The following VAV3 variants were observed in gnomAD, a reference collection of about 807,000 sequenced individuals.
The protein encoded by VAV3 is guanine nucleotide exchange factor VAV3.
VAV3 carries 94 observed loss-of-function variants against 131.2 expected under a neutral mutation model. That is an observed-to-expected ratio of 0.72 (90% CI 0.61 to 0.85). VAV3 has a LOEUF of 0.85. Ranked by LOEUF, VAV3 falls within the 40% of genes least tolerant of loss-of-function variation. The probability of loss-of-function intolerance (pLI) is 0.00; values close to 1 mark genes in which losing one functional copy is unlikely to be tolerated. For missense variants in VAV3, 939 were observed against 1,002.7 expected (o/e 0.94, Z 0.86); for synonymous variants, 349 against 342.0 (o/e 1.02, Z -0.22).
intron 2 of VAV3, among the ~76,000 whole-genome samples, chr1:107,826,495 A>G (rs911002911): frequency 2.0e-5 from 3 of 152,212 alleles, no homozygotes; most frequent in African/African-American, 7.2e-5. Flanking sequence ...GTAGAGCTCA[A>G]TGCAATAAAG....
chr1:107,892,356 G>A (rs573757847), intron 1 of VAV3, among the ~76,000 whole-genome samples: 14 of 152,202 alleles, frequency 9.2e-5, no homozygotes, highest in South Asian at 2.1e-4. Context: ...TTAAGCACAC[G>A]CTGAGTACAA....
chr1:107,576,267 T>A, intron 25 of VAV3: 1 of 716,654 alleles, frequency 1.4e-6, no homozygotes, highest in Non-Finnish European at 2.1e-6. Context: ...TGCATGGTGG[T>A]AATGGAACTC....
At chr1:107,854,172 T>C (rs986456285) in intron 2 of VAV3, among the ~76,000 whole-genome samples, 5 of 152,146 alleles carry the variant, frequency 3.3e-5, no homozygotes, top group African/African-American at 1.2e-4. Flanking sequence ...TAGCCAGGCA[T>C]GGTAGCGTGC....
intron 25 of VAV3, among the ~76,000 whole-genome samples, chr1:107,595,991 G>T (rs1054941846): frequency 6.6e-6 from 1 of 152,068 alleles, no homozygotes; most frequent in African/African-American, 2.4e-5. Flanking sequence ...TGGATTTTTG[G>T]ACATAAACAT....
At chr1:107,656,836 A>T (rs964726148) in intron 19 of VAV3, among the ~76,000 whole-genome samples, 1 of 152,110 alleles carries the variant, frequency 6.6e-6, no homozygotes, top group Non-Finnish European at 1.5e-5. Flanking sequence ...TCCCAAGAGT[A>T]GAAAAAGAGT....
chr1:107,843,256 C>T (rs1349880675), intron 2 of VAV3, among the ~76,000 whole-genome samples: 1 of 151,424 alleles, frequency 6.6e-6, no homozygotes, highest in African/African-American at 2.4e-5. Context: ...TTCCTATAAA[C>T]CTTTGGTGCT....
chr1:107,901,316 CAG>C (rs1162291075), intron 1 of VAV3, among the ~76,000 whole-genome samples: 2 of 152,194 alleles, frequency 1.3e-5, no homozygotes, highest in Admixed American at 1.3e-4. Flanking sequence ...ACAGCAAACT[CAG>C]AGACACTGCA....
At chr1:107,870,469 C>T (rs1670202769) in intron 2 of VAV3, among the ~76,000 whole-genome samples, 1 of 152,054 alleles carries the variant, frequency 6.6e-6, no homozygotes, top group Non-Finnish European at 1.5e-5. Flanking sequence ...CCTTAGCCCA[C>T]TTTTTGATGG....
At chr1:107,672,032 C>T (rs994790202) in intron 19 of VAV3, 2 of 152,138 alleles carry the variant, frequency 1.3e-5, no homozygotes, top group East Asian at 1.9e-4. Flanking sequence ...CGCCGCAAGG[C>T]CAAGGCGGGA....
chr1:107,801,883 A>G (rs116221607), intron 2 of VAV3, among the ~76,000 whole-genome samples: 1,966 of 152,214 alleles, frequency 0.013, 41 homozygotes, highest in African/African-American at 0.045. Flanking sequence ...TGAGCATGGA[A>G]TATCTTTCCT....
intron 25 of VAV3, among the ~76,000 whole-genome samples, chr1:107,589,007 T>G (rs1558069751): frequency 6.6e-6 from 1 of 152,186 alleles, no homozygotes; most frequent in Non-Finnish European, 1.5e-5. Flanking sequence ...AAACACTTTT[T>G]TTTTGTATTA....
At chr1:107,932,723 G>T (rs79597802) in intron 1 of VAV3, among the ~76,000 whole-genome samples, 4,290 of 152,242 alleles carry the variant, frequency 0.028, 98 homozygotes, top group East Asian at 0.1. Flanking sequence ...AGTAAGATTT[G>T]ACCACAGAAC....
intron 15 of VAV3, among the ~76,000 whole-genome samples, chr1:107,737,409 T>G (rs60049322): frequency 2.0e-5 from 3 of 151,956 alleles, no homozygotes; most frequent in Non-Finnish European, 4.4e-5. Context: ...GCCATCAGAG[T>G]GAACAGGCAA....
intron 1 of VAV3, among the ~76,000 whole-genome samples, chr1:107,913,951 C>A (rs548854499): frequency 6.6e-6 from 1 of 152,112 alleles, no homozygotes; most frequent in Non-Finnish European, 1.5e-5. Flanking sequence ...CCTGCCACCA[C>A]GCCCAGCTAA....
chr1:107,761,265 T>C (rs1415371881), intron 9 of VAV3, among the ~76,000 whole-genome samples: 2 of 151,498 alleles, frequency 1.3e-5, no homozygotes, highest in Admixed American at 6.6e-5. Flanking sequence ...TGGTGGCAGG[T>C]GCCTGTAGTC....
At chr1:107,625,627 C>T (rs1052514015) in intron 20 of VAV3, among the ~76,000 whole-genome samples, 4 of 152,254 alleles carry the variant, frequency 2.6e-5, no homozygotes, top group African/African-American at 4.8e-5. Flanking sequence ...TTCTTAGTGA[C>T]GTTTTTAACT....
intron 2 of VAV3, among the ~76,000 whole-genome samples, chr1:107,796,889 T>G (rs1038361705): frequency 6.6e-6 from 1 of 151,658 alleles, no homozygotes; most frequent in Non-Finnish European, 1.5e-5. Context: ...CATCCATATA[T>G]CTGAATCATT....
chr1:107,939,803 C>T (rs1197523435), intron 1 of VAV3, among the ~76,000 whole-genome samples: 5 of 152,104 alleles, frequency 3.3e-5, no homozygotes, highest in South Asian at 2.1e-4. Flanking sequence ...AATACAAAGA[C>T]GAATTACTAA....
intron 1 of VAV3, among the ~76,000 whole-genome samples, chr1:107,930,162 A>G (rs1041891845): frequency 6.6e-6 from 1 of 152,170 alleles, no homozygotes; most frequent in Non-Finnish European, 1.5e-5. Flanking sequence ...TTGTACATTT[A>G]ATAACTAAAA....
Sources: gnomAD v4.1 joint callset for allele counts (sites outside exome capture counted in the v4.1 genomes callset) on GRCh38, gnomAD v4.1.1 for gene constraint, MANE v1.5 for transcripts, NCBI Gene and HGNC (gene_info 2026-07-23, HGNC 2026-07-21) for gene names.